ZNF536: variants seen among roughly 807,000 people sequenced by gnomAD.
ZNF536 encodes the protein zinc finger protein 536.
In ZNF536, 13 loss-of-function variants were observed where a neutral mutation model predicts 84.5. The observed-to-expected ratio is 0.15, with a 90% CI of 0.10 to 0.24. The LOEUF (loss-of-function observed/expected upper bound fraction) is 0.24, where lower values mean the gene tolerates loss of function less well. Ranked by LOEUF, ZNF536 falls within the 10% of genes least tolerant of loss-of-function variation. The pLI is 1.00. For missense variants in ZNF536, 1,536 were observed against 1,747.5 expected (o/e 0.88, Z 2.16); for synonymous variants, 811 against 742.5 (o/e 1.09, Z -1.50).
intron 1 of ZNF536, among the ~76,000 whole-genome samples, chr19:30,439,955 C>CTTTTTTTTTT (rs1369505835): frequency 1.7e-4 from 23 of 133,032 alleles, no homozygotes; most frequent in East Asian, 4.9e-4. Flanking sequence ...CTTTTTCTTT[C>CTTTTTTTTTT]TTTCTTTTTT....
At chr19:30,491,326 A>T (rs2054500830) in intron 2 of ZNF536, among the ~76,000 whole-genome samples, 1 of 152,044 alleles carries the variant, frequency 6.6e-6, no homozygotes, top group Non-Finnish European at 1.5e-5. Context: ...CTGTTCAGTA[A>T]ATTTTTCTGG....
intron 2 of ZNF536, among the ~76,000 whole-genome samples, chr19:30,315,286 A>G (rs78864404): frequency 9.2e-5 from 14 of 152,306 alleles, no homozygotes; most frequent in Admixed American, 2.6e-4. Context: ...GATGGGTCAT[A>G]ACAGTTTATA....
intron 2 of ZNF536, among the ~76,000 whole-genome samples, chr19:30,449,944 T>C (rs1423946316): frequency 6.6e-6 from 1 of 152,126 alleles, no homozygotes; most frequent in African/African-American, 2.4e-5. Context: ...CTTTTTCTCA[T>C]GTGGCTCCCC....
In ZNF536 at chr19:30,632,562, C is replaced by T. The variant is rs1405834000; in HGVS notation, c.170-78195C>T. Among the ~76,000 whole-genome samples, 16 of 152,210 alleles carry T rather than the reference C, an allele frequency of 1.1e-4. 1 individual carries two copies. The highest frequency in any genetic ancestry group is 5.9e-4 in the Admixed American group (9 of 15,270). ...TGGAGGTTGCAGTGAGGTGAGATCA[C>T]GACATTGCACTCCAGCCTAGGCAAC... is the stretch of plus-strand genomic sequence containing the variant. On this transcript the variant is annotated intron_variant, in intron 1 of 1. Coordinates refer to the ZNF536 transcript ENST00000592773.
At chr19:30,691,932 C>T (rs1276334023) in intron 1 of ZNF536, among the ~76,000 whole-genome samples, 2 of 152,182 alleles carry the variant, frequency 1.3e-5, no homozygotes, top group South Asian at 2.1e-4. Context: ...TGCCTAGCAT[C>T]ACCCCTGCCT....
At chr19:30,674,068 T>C (rs139197959) in intron 1 of ZNF536, among the ~76,000 whole-genome samples, 213 of 152,300 alleles carry the variant, frequency 1.4e-3, no homozygotes, top group African/African-American at 4.8e-3. Flanking sequence ...AATTAACTTT[T>C]GGTGGAACTG....
downstream of ZNF536, among the ~76,000 whole-genome samples, chr19:30,559,140 G>A (rs115627071): frequency 2.8e-3 from 427 of 152,314 alleles, 2 homozygotes; most frequent in African/African-American, 9.8e-3. Flanking sequence ...GAGAAGACAC[G>A]ATAAAAGCTT....
At chr19:30,430,122 T>C (rs2051387555) in intron 1 of ZNF536, among the ~76,000 whole-genome samples, 1 of 152,064 alleles carries the variant, frequency 6.6e-6, no homozygotes, top group Non-Finnish European at 1.5e-5. Context: ...TAAAGTAAAG[T>C]TCTAGTGACC....
intron 2 of ZNF536, among the ~76,000 whole-genome samples, chr19:30,334,686 T>C (rs1243114560): frequency 2.0e-5 from 3 of 152,192 alleles, no homozygotes; most frequent in African/African-American, 7.2e-5. Context: ...GGAGATGTTA[T>C]TCATGATGAA....
intron 2 of ZNF536, among the ~76,000 whole-genome samples, chr19:30,285,636 C>A (rs77223902): frequency 0.012 from 1,899 of 152,332 alleles, 39 homozygotes; most frequent in African/African-American, 0.044. Context: ...AGAAATGCCC[C>A]TCTCTGACCC....
intron 1 of ZNF536, among the ~76,000 whole-genome samples, chr19:30,429,118 T>A (rs751255958): frequency 6.6e-5 from 10 of 152,096 alleles, no homozygotes; most frequent in Non-Finnish European, 1.2e-4. Flanking sequence ...GGCCCACTGA[T>A]GTAGTGGTGG....
chr19:30,649,787 G>A (rs1359330070), intron 1 of ZNF536, among the ~76,000 whole-genome samples: 1 of 152,064 alleles, frequency 6.6e-6, no homozygotes, highest in Non-Finnish European at 1.5e-5. Context: ...GAAGGGGGCT[G>A]ACTGGTTTTC....
intron 2 of ZNF536, among the ~76,000 whole-genome samples, chr19:30,349,467 C>T (rs1040039036): frequency 1.3e-5 from 2 of 152,152 alleles, no homozygotes; most frequent in Non-Finnish European, 1.5e-5. Context: ...TCAGAAAGCC[C>T]CACTCCAAGA....
At chr19:30,407,518 C>T (rs1292526625) in intron 1 of ZNF536, among the ~76,000 whole-genome samples, 1 of 152,140 alleles carries the variant, frequency 6.6e-6, no homozygotes, top group Admixed American at 6.5e-5. Context: ...CCAAGATGGT[C>T]CCGCCCCAGA....
chr19:30,574,374 C>T (rs796553485), intron 1 of ZNF536, among the ~76,000 whole-genome samples: 7 of 152,318 alleles, frequency 4.6e-5, no homozygotes, highest in East Asian at 1.9e-4. Context: ...AAAGAAAGGC[C>T]CAGAGGTGCA....
chr19:30,456,178 TC>T (rs1433323509), intron 2 of ZNF536, among the ~76,000 whole-genome samples: 1 of 152,190 alleles, frequency 6.6e-6, no homozygotes, highest in Admixed American at 6.5e-5. Context: ...TACTTTTTTT[TC>T]CCCAAGCTTT....
chr19:30,694,411 C>A (rs191530819), intron 1 of ZNF536, among the ~76,000 whole-genome samples: 124 of 152,336 alleles, frequency 8.1e-4, no homozygotes, highest in African/African-American at 2.8e-3. Context: ...AGTCTCCCTG[C>A]CCCAACCTCA....
intron 2 of ZNF536, among the ~76,000 whole-genome samples, chr19:30,502,005 A>G (rs1199851949): frequency 6.6e-6 from 1 of 152,192 alleles, no homozygotes; most frequent in Admixed American, 6.5e-5. Context: ...CTGGCAGGGA[A>G]ACAAGGTGAG....
chr19:30,406,356 C>T (rs1381091231), intron 1 of ZNF536, among the ~76,000 whole-genome samples: 1 of 151,932 alleles, frequency 6.6e-6, no homozygotes, highest in Non-Finnish European at 1.5e-5. Context: ...CAGGTGCCAC[C>T]GAGCAAGAAT....
Sources: allele counts gnomAD v4.1 joint callset (sites outside exome capture counted in the v4.1 genomes callset), GRCh38; gene constraint gnomAD v4.1.1; transcripts MANE v1.5; gene names NCBI Gene and HGNC (gene_info 2026-07-23, HGNC 2026-07-21).